Variants in RAPGEF6 observed in about 807,000 individuals in gnomAD.
The protein encoded by RAPGEF6 is Rap guanine nucleotide exchange factor 6.
A neutral mutation model predicts 171.4 loss-of-function variants in RAPGEF6; 56 were observed. That is an observed-to-expected ratio of 0.33 (90% CI 0.26 to 0.41). RAPGEF6 has a LOEUF of 0.41. Ranked by LOEUF, RAPGEF6 falls within the 10% of genes least tolerant of loss-of-function variation. The probability of loss-of-function intolerance (pLI) is 1.00; values close to 1 mark genes in which losing one functional copy is unlikely to be tolerated. For synonymous variants in RAPGEF6, 692 were observed against 650.1 expected, an observed-to-expected ratio of 1.06 and a Z score of -0.98; for missense variants, 1,674 against 1,921.4, an observed-to-expected ratio of 0.87 and a Z score of 2.41.
At chr5:131,634,341 A>C (rs1223813724) in intron 1 of RAPGEF6, among the ~76,000 whole-genome samples, 2 of 151,480 alleles carry the variant, frequency 1.3e-5, no homozygotes, top group Middle Eastern at 6.8e-3. Context: ...CGAATGAAAA[A>C]TCTTTTAAGC....
In RAPGEF6 at chr5:131,536,906, T is replaced by G. The variant is rs150374958; in HGVS notation, c.495+11141A>C. 3.3e-3 allele frequency among the ~76,000 whole-genome samples: 498 copies of G among 152,320 alleles called. 3 individuals carry two copies. The highest frequency in any genetic ancestry group is 0.011 in the African/African-American group (474 of 41,570). ...TCATTTAAAACTATCTGTGAATTCCTGGGTTCCTTTATATCCCTTGTTCAT... is the reference window on the plus strand; with the variant it reads ...TCATTTAAAACTATCTGTGAATTCCGGGGTTCCTTTATATCCCTTGTTCAT... On this transcript the variant is annotated intron_variant, in intron 6 of 27. Coordinates refer to ENST00000509018, the MANE Select transcript of RAPGEF6 (RefSeq NM_016340.6).
chr5:131,617,072 T>C lies in RAPGEF6; in HGVS notation c.70-12379A>G, dbSNP rs985384716. Among the ~76,000 whole-genome samples the C allele has an allele frequency of 7.9e-5, 12 of 152,266 alleles. 1 individual carries two copies. The highest frequency in any genetic ancestry group is 1.3e-4 in the Admixed American group (2 of 15,290). On this transcript the variant is annotated intron_variant, in intron 1 of 27. Transcript: ENST00000509018. ...AGCACAAATTCAACTGTATCATACATACATTCTGCAGCTATGGTTCTATAA... is the reference window on the plus strand; with the variant it reads ...AGCACAAATTCAACTGTATCATACACACATTCTGCAGCTATGGTTCTATAA...
intron 4 of RAPGEF6, among the ~76,000 whole-genome samples, chr5:131,574,940 T>C (rs1762522545): frequency 6.6e-6 from 1 of 152,038 alleles, no homozygotes; most frequent in South Asian, 2.1e-4. Context: ...AGCTCACAAA[T>C]TCTCCTTACA....
At chr5:131,546,848 GAA>G (rs899592864) in intron 6 of RAPGEF6, among the ~76,000 whole-genome samples, 6 of 152,170 alleles carry the variant, frequency 3.9e-5, no homozygotes, top group African/African-American at 1.4e-4. Context: ...TCTGTATGTT[GAA>G]AAGCTTTATC....
chr5:131,624,383 G>A (rs1285892211), intron 1 of RAPGEF6, among the ~76,000 whole-genome samples: 1 of 152,190 alleles, frequency 6.6e-6, no homozygotes. Flanking sequence ...GGATATAAAG[G>A]ATAGATAATC....
At chr5:131,483,909 G>T (rs930243872) in intron 15 of RAPGEF6, among the ~76,000 whole-genome samples, 2 of 151,720 alleles carry the variant, frequency 1.3e-5, no homozygotes, top group African/African-American at 4.8e-5. Flanking sequence ...GACCATCCTG[G>T]CTAACACAGT....
At chr5:131,561,651 ACT>A (rs1203274519) in intron 5 of RAPGEF6, among the ~76,000 whole-genome samples, 6 of 131,338 alleles carry the variant, frequency 4.6e-5, no homozygotes, top group South Asian at 2.7e-4. Context: ...CAAGAATGAA[ACT>A]CTGTCTCAAA....
At chr5:131,595,854 G>T (rs1763865448) in intron 3 of RAPGEF6, among the ~76,000 whole-genome samples, 3 of 152,166 alleles carry the variant, frequency 2.0e-5, no homozygotes, top group Admixed American at 2.0e-4. Flanking sequence ...GACATAGATT[G>T]AAAGTTAAGG....
At chr5:131,505,272 CAAAT>C in intron 10 of RAPGEF6, 88 bp downstream of exon 10, 4 of 1,315,664 alleles carry the variant, frequency 3.0e-6, no homozygotes, top group Non-Finnish European at 4.3e-6. Flanking sequence ...TCCTAATTCT[CAAAT>C]AAAGCTATTT....
At chr5:131,565,356 G>A (rs780974817) in intron 4 of RAPGEF6, among the ~76,000 whole-genome samples, 2 of 152,212 alleles carry the variant, frequency 1.3e-5, no homozygotes, top group South Asian at 4.1e-4. Context: ...ATGAAACATT[G>A]CTGAGAAAAA....
At chr5:131,631,809 G>A (rs1161917293) in intron 1 of RAPGEF6, among the ~76,000 whole-genome samples, 1 of 152,162 alleles carries the variant, frequency 6.6e-6, no homozygotes, top group Non-Finnish European at 1.5e-5. Flanking sequence ...AGGCGTGGTG[G>A]CTCACGCCTG....
At chr5:131,474,142 T>TA (rs1273442461) in intron 16 of RAPGEF6, among the ~76,000 whole-genome samples, 1 of 152,158 alleles carries the variant, frequency 6.6e-6, no homozygotes, top group Non-Finnish European at 1.5e-5. Context: ...CTTTAATTCT[T>TA]AAGAATGGAC....
intron 4 of RAPGEF6, among the ~76,000 whole-genome samples, chr5:131,574,381 T>G (rs1762479926): frequency 6.6e-6 from 1 of 152,176 alleles, no homozygotes; most frequent in African/African-American, 2.4e-5. Flanking sequence ...CCATCATGGA[T>G]GCCGAGCTTC....
Position 131,510,409 on chromosome 5 carries a change from T to C in RAPGEF6, c.710A>G (p.Asp237Gly). The C allele has an allele frequency of 1.9e-6, 3 of 1,614,176 alleles. No homozygotes were observed. Among genetic ancestry groups the C allele is most frequent in the Non-Finnish European group, 2.5e-6 (3 of 1,180,024 alleles). Residue 237 changes from aspartate to glycine, a missense_variant, in exon 8 of 28, where the codon GAT (aspartate) becomes GGT (glycine). Around this residue, in one of 3 missense-constraint regions of RAPGEF6, gnomAD observed 1,116 missense variants for 1,321.5 expected, o/e 0.84. Coordinates refer to ENST00000509018, the MANE Select transcript of RAPGEF6 (RefSeq NM_016340.6). Reference protein sequence around the residue: ...PVDSEDDEEEDEEIDRTDPLQ... With the variant: ...PVDSEDDEEEGEEIDRTDPLQ... The stretch of plus-strand genomic sequence containing the variant: ...TGGATCTGTTCGATCAATCTCTTCA[T>C]CTTCCTCTTCGTCATCCTCAGAATC...
At chr5:131,608,691 G>C (rs1332473775) in intron 1 of RAPGEF6, among the ~76,000 whole-genome samples, 1 of 152,146 alleles carries the variant, frequency 6.6e-6, no homozygotes, top group African/African-American at 2.4e-5. Context: ...ATCAATGCTT[G>C]TCTGAGGGGG....
intron 12 of RAPGEF6, among the ~76,000 whole-genome samples, chr5:131,496,984 G>C (rs1255703267): frequency 2.0e-5 from 3 of 151,996 alleles, no homozygotes; most frequent in African/African-American, 4.8e-5. Flanking sequence ...TGTGTAGGGT[G>C]GGGGTGGGGA....
Position 131,455,911 on chromosome 5 carries a change from G to A in RAPGEF6, c.2966C>T (p.Pro989Leu). The change falls in exon 20 of 28, where the codon CCA becomes CTA. Residue 989 changes from proline (P) to leucine (L), a missense_variant. By Grantham distance (98) the Pro-to-Leu change is moderately conservative (BLOSUM62 -3). This residue lies in a region of RAPGEF6 where 1,116 missense variants were observed against 1,321.5 expected (regional missense o/e 0.84). Transcript: ENST00000509018. ...HLQDLQDIFDPSRNMAKYRNI... is the reference protein window; with the variant it reads ...HLQDLQDIFDLSRNMAKYRNI... ...TCTATACTTTGCCATGTTTCTAGAT[G>A]GATCAAAAATGTCTTGTAGATCTTG... is the stretch of plus-strand genomic sequence containing the variant. 1 of 1,613,892 alleles carries A rather than the reference G, an allele frequency of 6.2e-7. No homozygotes were observed. The highest frequency in any genetic ancestry group is 8.5e-7 in the Non-Finnish European group (1 of 1,179,832).
At chr5:131,549,311 A>C (rs1253761608) in intron 5 of RAPGEF6, among the ~76,000 whole-genome samples, 1 of 152,150 alleles carries the variant, frequency 6.6e-6, no homozygotes, top group East Asian at 1.9e-4. Context: ...TCTTTCTGCT[A>C]ATGTCAGAGT....
chr5:131,569,549 CA>C (rs1057397337), intron 4 of RAPGEF6, among the ~76,000 whole-genome samples: 3 of 151,882 alleles, frequency 2.0e-5, no homozygotes, highest in Non-Finnish European at 4.4e-5. Flanking sequence ...ACAAACAAAA[CA>C]AAAAATTAAC....
Sources: allele counts gnomAD v4.1 joint callset (sites outside exome capture counted in the v4.1 genomes callset), GRCh38; gene constraint gnomAD v4.1.1; regional missense constraint gnomAD v4.1.1; transcripts MANE v1.5; gene names NCBI Gene and HGNC (gene_info 2026-07-23, HGNC 2026-07-21).